The following EHMT1 variants were observed in gnomAD, a reference collection of about 807,000 sequenced individuals.
EHMT1 encodes the protein histone-lysine N-methyltransferase EHMT1.
A neutral mutation model predicts 147.2 loss-of-function variants in EHMT1; 15 were observed. The observed-to-expected ratio is 0.10, with a 90% confidence interval of 0.07 to 0.16. The LOEUF (loss-of-function observed/expected upper bound fraction) is 0.16. EHMT1 is among the 10% of genes least tolerant of loss of function. The pLI is 1.00. For synonymous variants in EHMT1, 795 were observed against 709.6 expected (o/e 1.12, Z -1.91); for missense variants, 1,587 against 1,772.4 (o/e 0.90, Z 1.88).
chr9:137,761,523 A>G (rs4979644), intron 9 of EHMT1, among the ~76,000 whole-genome samples: 44,870 of 152,112 alleles, frequency 0.29, 7,043 homozygotes, highest in Admixed American at 0.41. Flanking sequence ...GCACAATCTC[A>G]GCTCACTACA....
intron 1 of EHMT1, among the ~76,000 whole-genome samples, chr9:137,697,558 T>C (rs1390744458): frequency 6.6e-6 from 1 of 150,736 alleles, no homozygotes; most frequent in African/African-American, 2.4e-5. Flanking sequence ...TAGCCTCATG[T>C]AGAAGGACAC....
At chr9:137,771,699 G>T (rs548806808) in intron 10 of EHMT1, among the ~76,000 whole-genome samples, 1 of 152,104 alleles carries the variant, frequency 6.6e-6, no homozygotes, top group Non-Finnish European at 1.5e-5. Flanking sequence ...GTGGCGGGGC[G>T]TTTTGGCTAC....
At chr9:137,639,887 C>A (rs1225142442) in intron 1 of EHMT1, among the ~76,000 whole-genome samples, 2 of 152,204 alleles carry the variant, frequency 1.3e-5, no homozygotes, top group African/African-American at 2.4e-5. Context: ...TATCAGAATG[C>A]CCACTCAACC....
chr9:137,776,627 A>T lies in EHMT1; in HGVS notation c.1801A>T (p.Met601Leu). The change falls in exon 12 of 27, where the codon ATG (methionine) becomes TTG (leucine). Residue 601 changes from methionine (M) to leucine (L), a missense_variant. Transcript: ENST00000460843. The surrounding 1 kb of genome is among the most constrained non-coding windows in gnomAD (Gnocchi z 4.4). ...CGYFCTAGNF[M>L]ECQPESSISH... ...GTCCTCCCATTTTTAGGGTAATTTT[A>T]TGGAGTGTCAGCCCGAGAGCAGCAT... 1.2e-6 allele frequency: 2 copies of T among 1,614,076 alleles called. No homozygotes were observed. The highest frequency in any genetic ancestry group is 1.7e-6 in the Non-Finnish European group (2 of 1,180,028).
chr9:137,772,496 G>A (rs566126344), intron 10 of EHMT1, among the ~76,000 whole-genome samples: 1 of 152,150 alleles, frequency 6.6e-6, no homozygotes, highest in Non-Finnish European at 1.5e-5. Flanking sequence ...CATGGACCTC[G>A]TCTGAGGCTC....
chr9:137,699,002 C>T (rs2135114819), intron 1 of EHMT1, among the ~76,000 whole-genome samples: 2 of 151,912 alleles, frequency 1.3e-5, no homozygotes, highest in South Asian at 4.2e-4. Context: ...CTGGGAACCT[C>T]ACCTGCAGGG....
intron 16 of EHMT1, among the ~76,000 whole-genome samples, chr9:137,795,409 A>ACACACACACACACACACACACG (rs1952828590): frequency 6.1e-5 from 1 of 16,512 alleles, no homozygotes. Flanking sequence ...GTGCACACAC[A>ACACACACACACACACACACACG]CACACACACA....
intron 1 of EHMT1, among the ~76,000 whole-genome samples, chr9:137,631,877 C>G (rs1240043314): frequency 6.6e-6 from 1 of 150,944 alleles, no homozygotes; most frequent in Non-Finnish European, 1.5e-5. Flanking sequence ...GACCCTGTCT[C>G]AAAAAAAGAA....
At chr9:137,722,965 C>T (rs1439313639) in intron 3 of EHMT1, among the ~76,000 whole-genome samples, 1 of 97,594 alleles carries the variant, frequency 1.0e-5, no homozygotes, top group Non-Finnish European at 1.9e-5. Flanking sequence ...GGGGGTGTGT[C>T]TGTGTCTGTG....
At chr9:137,823,395 ACCCGGCCAACG>A in intron 25 of EHMT1, 1 of 331,738 alleles carries the variant, frequency 3.0e-6, no homozygotes, top group Non-Finnish European at 5.7e-6. Flanking sequence ...ACCGCACCGC[ACCCGGCCAACG>A]CCTGGGTAAT....
chr9:137,710,501 A>C (rs1188457294), intron 1 of EHMT1, among the ~76,000 whole-genome samples: 3 of 152,210 alleles, frequency 2.0e-5, no homozygotes, highest in African/African-American at 7.2e-5. Context: ...GCCTTGTATA[A>C]TACATACCTC....
chr9:137,754,895 G>A (rs1949260118), intron 8 of EHMT1, among the ~76,000 whole-genome samples: 1 of 152,188 alleles, frequency 6.6e-6, no homozygotes, highest in Non-Finnish European at 1.5e-5. Flanking sequence ...GGCCTGCATG[G>A]GCAGCTCCCA....
chr9:137,783,699 G>A (rs924824377), intron 15 of EHMT1, among the ~76,000 whole-genome samples: 5 of 152,046 alleles, frequency 3.3e-5, no homozygotes, highest in East Asian at 3.9e-4. Flanking sequence ...CTGTCTTCTC[G>A]GACTGCACCT....
intron 4 of EHMT1, among the ~76,000 whole-genome samples, chr9:137,739,140 A>G (rs1427971461): frequency 6.6e-6 from 1 of 151,138 alleles, no homozygotes; most frequent in African/African-American, 2.4e-5. Flanking sequence ...GGGAGGCCGA[A>G]GCAGGCAGAT....
Position 137,759,160 on chromosome 9 carries a change from A to G in EHMT1, c.1501+1149A>G, listed in dbSNP as rs77286839. On this transcript the variant is annotated intron_variant, in intron 9 of 26. Coordinates refer to ENST00000460843, the MANE Select transcript of EHMT1 (RefSeq NM_024757.5). The stretch of plus-strand genomic sequence containing the variant: ...AAAACAAAAAACAACAACAGCAGCA[A>G]CAACAACAAAAGAAATCTTAGCCTA... Among the ~76,000 whole-genome samples, 1,130 of 152,086 alleles carry G rather than the reference A, an allele frequency of 7.4e-3. 28 individuals carry two copies. The highest frequency in any genetic ancestry group is 0.072 in the East Asian group (370 of 5,162).
At chr9:137,627,258 ATTT>A (rs1196958635) in intron 1 of EHMT1, among the ~76,000 whole-genome samples, 1 of 113,854 alleles carries the variant, frequency 8.8e-6, no homozygotes, top group Non-Finnish European at 1.8e-5. Context: ...ATGCCTGGCC[ATTT>A]TTTTTTTTTT....
At chr9:137,834,565 G>T in intron 26 of EHMT1, 41 bp downstream of exon 26, 1 of 1,607,106 alleles carries the variant, frequency 6.2e-7, no homozygotes. Flanking sequence ...CGCTGCCGGC[G>T]GGACGGTTTT....
rs1947952011 is a variant in EHMT1, at chr9:137,740,416, C to T, written c.824-2955C>T. Among the ~76,000 whole-genome samples the T allele has an allele frequency of 2.6e-5, 4 of 152,090 alleles. No homozygotes were observed. In the South Asian group the frequency reaches 8.3e-4, roughly 32 times the overall value. ...CTTCTTTGAGGCCTGGACTGCAAAT[C>T]CTCCTTCCAAAGAGGCCCTCGAGCC... On this transcript the variant is annotated intron_variant, in intron 4 of 26. Transcript: ENST00000460843.
At chr9:137,833,467 C>T (rs12156478) in intron 25 of EHMT1, among the ~76,000 whole-genome samples, 1 of 152,262 alleles carries the variant, frequency 6.6e-6, no homozygotes, top group Non-Finnish European at 1.5e-5. Flanking sequence ...TGGGCAGCGT[C>T]TAGGTTCCTT....
Sources: gnomAD v4.1 joint callset for allele counts (sites outside exome capture counted in the v4.1 genomes callset) on GRCh38, gnomAD v4.1.1 for gene constraint, Gnocchi (gnomAD v3.1) non-coding constraint, MANE v1.5 for transcripts, NCBI Gene and HGNC (gene_info 2026-07-23, HGNC 2026-07-21) for gene names.